Variants in GCA observed in about 807,000 individuals in gnomAD.
GCA encodes the protein grancalcin.
Under a neutral mutation model 32.6 loss-of-function variants are expected in GCA, and 30 were observed. The ratio of observed to expected loss-of-function variants is 0.92; its 90% CI spans 0.69 to 1.25. The LOEUF is 1.25. Among genes scored for constraint, GCA ranks in the 50% most tolerant of loss-of-function variants. The probability of loss-of-function intolerance (pLI) is 0.00; values close to 1 mark genes in which losing one functional copy is unlikely to be tolerated. For synonymous variants in GCA, 102 were observed against 84.6 expected (o/e 1.21, Z -1.13); for missense variants, 291 against 266.8 (o/e 1.09, Z -0.63).
At chr2:162,342,106 C>A (rs1227004954), upstream of GCA, among the ~76,000 whole-genome samples, 1 of 152,052 alleles carries the variant, frequency 6.6e-6, no homozygotes, top group Non-Finnish European at 1.5e-5. Flanking sequence ...GGCAAATTAA[C>A]ATTACTGTTA....
At chr2:162,368,388 C>T (rs1177541218) in intron 4 of GCA, among the ~76,000 whole-genome samples, 2 of 151,824 alleles carry the variant, frequency 1.3e-5, no homozygotes, top group African/African-American at 4.8e-5. Context: ...CTCTGTTATG[C>T]AATTCATTTC....
In GCA at chr2:162,360,372, G is replaced by A; in HGVS notation, c.*129G>A. Reference sequence around the variant, plus strand: ...CCTGTTAAACCTCTTCCCTTTCTGTGTGTTTTTATTTTAGCAGATAGTTCA... The same window carrying A: ...CCTGTTAAACCTCTTCCCTTTCTGTATGTTTTTATTTTAGCAGATAGTTCA... On this transcript the variant is annotated 3_prime_UTR_variant, in exon 8 of 8. Transcript: ENST00000437150. The A allele has an allele frequency of 4.3e-6, 6 of 1,380,640 alleles. No homozygotes were observed. The highest frequency in any genetic ancestry group is 4.7e-6 in the Non-Finnish European group (5 of 1,060,204). The allele number at this position is 1,380,640 out of a possible 1,614,324, so 85.5% of individuals were successfully genotyped here.
rs1685527384 is a variant in GCA, at chr2:162,360,592, G to A, written c.*349G>A. On this transcript the variant is annotated 3_prime_UTR_variant, in exon 8 of 8. Transcript: ENST00000437150. The stretch of plus-strand genomic sequence containing the variant: ...TTGTATAAGAAGCCAAATAATGAAA[G>A]CCTAGAAAAAACTAATTTATACTTA... The A allele has an allele frequency of 1.7e-6, 2 of 1,157,178 alleles. No individual in the cohort carries two copies. The highest frequency in any genetic ancestry group is 3.2e-4 in the Middle Eastern group (1 of 3,160). The allele number at this position is 1,157,178 out of a possible 1,614,324, so 71.7% of individuals were successfully genotyped here. A position where few individuals can be genotyped will look rare whatever the true frequency, so the allele number is the denominator to read the frequency against.
At chr2:162,328,155 T>G in intron 1 of GCA, among the ~76,000 whole-genome samples, 1 of 138,478 alleles carries the variant, frequency 7.2e-6, no homozygotes, top group East Asian at 2.1e-4. Context: ...CCGAGGTGAG[T>G]GGATCACCTG....
chr2:162,339,855 A>T (rs1019541198), upstream of GCA, among the ~76,000 whole-genome samples: 2 of 152,200 alleles, frequency 1.3e-5, no homozygotes, highest in Non-Finnish European at 2.9e-5. Context: ...TAAGCCACAC[A>T]GCCTATGGTA....
chr2:162,340,356 A>T (rs1864431), upstream of GCA, among the ~76,000 whole-genome samples: 1 of 152,322 alleles, frequency 6.6e-6, no homozygotes, highest in African/African-American at 2.4e-5. Context: ...CCCAGTCTTC[A>T]CCATGTAATT....
At position 162,351,423 on chromosome 2, in the gene GCA, A is replaced by G. The variant is rs77794402; in HGVS notation, c.193-915A>G. ...GATGCTCTTGTAATTTAATTAGGAC[A>G]TTCAGCTTTCTACCGCTAATGCTAC... is the stretch of plus-strand genomic sequence containing the variant. On this transcript the variant is annotated intron_variant, in intron 2 of 7. Coordinates refer to ENST00000437150, the MANE Select transcript of GCA (RefSeq NM_012198.5). Among the ~76,000 whole-genome samples the G allele has an allele frequency of 6.9e-3, 1,045 of 152,324 alleles. 14 individuals carry two copies. The highest frequency in any genetic ancestry group is 7.1e-3 in the Non-Finnish European group (482 of 68,018).
chr2:162,332,468 A>C (rs944075901), intron 1 of GCA, among the ~76,000 whole-genome samples: 2 of 151,294 alleles, frequency 1.3e-5, no homozygotes, highest in African/African-American at 4.8e-5. Flanking sequence ...TGGAAGAATC[A>C]AATTACATAT....
At chr2:162,337,588 G>A (rs905152717) in intron 1 of GCA, among the ~76,000 whole-genome samples, 2 of 152,190 alleles carry the variant, frequency 1.3e-5, no homozygotes, top group African/African-American at 4.8e-5. Context: ...AAGCGTTTAA[G>A]GTAAGGTGAG....
intron 1 of GCA, among the ~76,000 whole-genome samples, chr2:162,332,977 C>T (rs1380874064): frequency 1.3e-5 from 2 of 151,942 alleles, no homozygotes; most frequent in East Asian, 1.9e-4. Flanking sequence ...TTTGGAAAGG[C>T]GTTTGAAAGT....
chr2:162,320,511 G>A (rs530846981), intron 1 of GCA, among the ~76,000 whole-genome samples: 1 of 152,240 alleles, frequency 6.6e-6, no homozygotes, highest in East Asian at 1.9e-4. Context: ...GAATGAGAAG[G>A]GGTTGCTGAC....
In GCA at chr2:162,360,216, GT is replaced by G. The variant is rs1685505998; in HGVS notation, c.632del (p.Leu211CysfsTer13). 1.3e-6 allele frequency: 2 copies of G among 1,526,494 alleles called. No homozygotes were observed. The highest frequency in any genetic ancestry group is 1.4e-5 in the African/African-American group (1 of 72,224). The allele number at this position is 1,526,494 out of a possible 1,614,324, so 94.6% of individuals were successfully genotyped here. A position where few individuals can be genotyped will look rare whatever the true frequency, so the allele number is the denominator to read the frequency against. The stretch of plus-strand genomic sequence containing the variant: ...AGATAATAATTTCACTTATGTATTA[GT>G]TTTTGCAGGGCACTATGGCAATTTG... ...QGSANFIYDD[F>X]LQGTMAI On this transcript the variant is annotated frameshift_variant and splice_region_variant, in exon 8 of 8. Coordinates refer to ENST00000437150, the MANE Select transcript of GCA (RefSeq NM_012198.5). LOFTEE classifies it high-confidence loss of function.
chr2:162,361,727 T>C lies in GCA; in HGVS notation c.*1484T>C. On this transcript the variant is annotated 3_prime_UTR_variant, in exon 8 of 8. Transcript: ENST00000437150. ...AATACACATAATTTTGTTCTCTGGC[T>C]TTTTTATGAACATATATTTGATAAT... The C allele has an allele frequency of 1.0e-6, 1 of 982,470 alleles. No individual in the cohort carries two copies. Among genetic ancestry groups the C allele is most frequent in the Non-Finnish European group, 1.2e-6 (1 of 827,408 alleles). The allele number at this position is 982,470 out of a possible 1,614,324, so 60.9% of individuals were successfully genotyped here.
chr2:162,324,261 G>T (rs1683794196), intron 1 of GCA, among the ~76,000 whole-genome samples: 1 of 152,158 alleles, frequency 6.6e-6, no homozygotes, highest in Admixed American at 6.5e-5. Flanking sequence ...TCTTGACTTG[G>T]TATACTGGAA....
chr2:162,325,980 G>A (rs983104013), intron 1 of GCA, among the ~76,000 whole-genome samples: 4 of 152,156 alleles, frequency 2.6e-5, no homozygotes, highest in African/African-American at 9.7e-5. Context: ...TGTTTAGGGT[G>A]AGGATTTCTA....
downstream of GCA, among the ~76,000 whole-genome samples, chr2:162,373,120 TAAA>T (rs924986200): frequency 2.6e-5 from 4 of 152,136 alleles, no homozygotes; most frequent in African/African-American, 9.7e-5. Context: ...GATTTTTCCT[TAAA>T]GCCCTTTTAA....
At position 162,362,234 on chromosome 2, in the gene GCA, C is replaced by G. The variant is rs1405675481; in HGVS notation, c.*1991C>G. ...TTAATTTTATTTGACCCAGTTTTTT[C>G]CAAACTTTTTGACCACAGAACCCCT... On this transcript the variant is annotated 3_prime_UTR_variant, in exon 8 of 8. Coordinates refer to ENST00000437150, the MANE Select transcript of GCA (RefSeq NM_012198.5). The G allele has an allele frequency of 1.0e-6, 1 of 984,310 alleles. No homozygotes were observed. The highest frequency in any genetic ancestry group is 6.2e-5 in the Admixed American group (1 of 16,092). The allele number at this position is 984,310 out of a possible 1,614,324, so 61.0% of individuals were successfully genotyped here. A position where few individuals can be genotyped will look rare whatever the true frequency, so the allele number is the denominator to read the frequency against.
At chr2:162,341,267 TTATATATATATATATATATA>T (rs3052040), upstream of GCA, among the ~76,000 whole-genome samples, 3 of 116,258 alleles carry the variant, frequency 2.6e-5, no homozygotes, top group East Asian at 2.4e-4. Flanking sequence ...CTTATTTATT[TTATATATATATATATATATA>T]TATATATATA....
chr2:162,335,289 C>A (rs1301552394), intron 1 of GCA, among the ~76,000 whole-genome samples: 1 of 151,992 alleles, frequency 6.6e-6, no homozygotes, highest in Non-Finnish European at 1.5e-5. Flanking sequence ...GTGGCAGGCA[C>A]CTGTAATCCC....
Sources: allele counts gnomAD v4.1 joint callset (sites outside exome capture counted in the v4.1 genomes callset), GRCh38; gene constraint gnomAD v4.1.1; transcripts MANE v1.5; gene names NCBI Gene and HGNC (gene_info 2026-07-23, HGNC 2026-07-21).